Variants in SCFD2 observed in about 807,000 individuals in gnomAD.
The protein encoded by SCFD2 is sec1 family domain containing 2.
SCFD2 carries 54 observed loss-of-function variants against 58.9 expected under a neutral mutation model. The observed-to-expected ratio is 0.92, with a 90% CI of 0.74 to 1.15. The LOEUF is 1.15. Ranked by LOEUF, SCFD2 falls within the 50% of genes most tolerant of loss-of-function variation. The pLI is 0.00. For synonymous variants in SCFD2, 321 were observed against 335.9 expected (o/e 0.96, Z 0.49); for missense variants, 805 against 836.6 (o/e 0.96, Z 0.47).
At chr4:53,213,617 T>A (rs1728697473) in intron 4 of SCFD2, among the ~76,000 whole-genome samples, 1 of 152,138 alleles carries the variant, frequency 6.6e-6, no homozygotes, top group African/African-American at 2.4e-5. Flanking sequence ...CAAAGAGTTC[T>A]TCAAATTTTC....
chr4:53,282,955 A>C (rs1024126418), intron 3 of SCFD2, among the ~76,000 whole-genome samples: 8 of 152,240 alleles, frequency 5.3e-5, no homozygotes, highest in African/African-American at 1.9e-4. Flanking sequence ...AAAGGCTCTG[A>C]GCACAGAAGG....
chr4:52,976,342 G>A (rs922278269), intron 5 of SCFD2, among the ~76,000 whole-genome samples: 11 of 152,128 alleles, frequency 7.2e-5, no homozygotes, highest in Non-Finnish European at 1.2e-4. Flanking sequence ...AAAGGGAATT[G>A]TTAGGGGAGG....
At chr4:52,897,318 T>C (rs912275631) in intron 7 of SCFD2, among the ~76,000 whole-genome samples, 3 of 152,272 alleles carry the variant, frequency 2.0e-5, no homozygotes, top group African/African-American at 7.2e-5. Context: ...CTTATTATTT[T>C]GAGAAACGTC....
At chr4:53,077,549 T>C (rs913820994) in intron 5 of SCFD2, among the ~76,000 whole-genome samples, 3 of 152,136 alleles carry the variant, frequency 2.0e-5, no homozygotes, top group Non-Finnish European at 4.4e-5. Context: ...ACAATTCTCC[T>C]GTCTCAGCCA....
At chr4:53,264,809 A>T (rs1730931561) in intron 4 of SCFD2, among the ~76,000 whole-genome samples, 1 of 152,240 alleles carries the variant, frequency 6.6e-6, no homozygotes, top group South Asian at 2.1e-4. Context: ...AATATATTTT[A>T]AAAAACCAAT....
At chr4:52,916,390 C>T (rs1379069520) in intron 6 of SCFD2, among the ~76,000 whole-genome samples, 6 of 152,162 alleles carry the variant, frequency 3.9e-5, no homozygotes, top group African/African-American at 7.2e-5. Flanking sequence ...GCCAACATGG[C>T]GAAACCCTGT....
At chr4:53,099,592 G>C (rs1293451855) in intron 5 of SCFD2, among the ~76,000 whole-genome samples, 1 of 152,188 alleles carries the variant, frequency 6.6e-6, no homozygotes. Context: ...AAGGTGAAGG[G>C]GAGCCAGCAT....
intron 4 of SCFD2, among the ~76,000 whole-genome samples, chr4:53,202,462 T>C (rs938226511): frequency 1.3e-5 from 2 of 151,044 alleles, no homozygotes; most frequent in African/African-American, 4.9e-5. Flanking sequence ...GGTAGCATGA[T>C]GCCTCCAGCT....
chr4:52,980,226 C>A (rs1253772739), intron 5 of SCFD2, among the ~76,000 whole-genome samples: 1 of 152,208 alleles, frequency 6.6e-6, no homozygotes, highest in African/African-American at 2.4e-5. Context: ...ACATGCCATG[C>A]ACAATGCTAC....
intron 5 of SCFD2, among the ~76,000 whole-genome samples, chr4:53,105,954 G>C (rs1409166109): frequency 2.0e-5 from 3 of 151,354 alleles, no homozygotes; most frequent in Non-Finnish European, 4.4e-5. Flanking sequence ...GCTCTGGCTG[G>C]CATCTGGTGG....
At chr4:52,966,452 C>T (rs1401883920) in intron 5 of SCFD2, among the ~76,000 whole-genome samples, 1 of 152,126 alleles carries the variant, frequency 6.6e-6, no homozygotes, top group African/African-American at 2.4e-5. Context: ...TCCTCCTTCC[C>T]ACATTACCTT....
intron 5 of SCFD2, among the ~76,000 whole-genome samples, chr4:52,963,493 C>G (rs1383405071): frequency 6.6e-6 from 1 of 152,158 alleles, no homozygotes; most frequent in Non-Finnish European, 1.5e-5. Flanking sequence ...GTACCAATGT[C>G]TGTAAAGAAT....
At chr4:53,202,166 A>G (rs1483185368) in intron 4 of SCFD2, among the ~76,000 whole-genome samples, 2 of 151,988 alleles carry the variant, frequency 1.3e-5, no homozygotes, top group Non-Finnish European at 2.9e-5. Context: ...TAGGTCTAAC[A>G]TGTAAGTCTT....
chr4:53,100,611 T>G (rs1296348811), intron 5 of SCFD2, among the ~76,000 whole-genome samples: 1 of 152,160 alleles, frequency 6.6e-6, no homozygotes, highest in African/African-American at 2.4e-5. Context: ...TTTATAACTA[T>G]TCCAACAAAG....
At chr4:53,175,118 T>C (rs1560369715) in intron 4 of SCFD2, among the ~76,000 whole-genome samples, 3 of 152,212 alleles carry the variant, frequency 2.0e-5, no homozygotes, top group Admixed American at 6.6e-5. Flanking sequence ...GGAGTCTGAA[T>C]TGAAATACAG....
At chr4:53,295,158 T>G (rs184758694) in intron 3 of SCFD2, among the ~76,000 whole-genome samples, 3 of 152,290 alleles carry the variant, frequency 2.0e-5, no homozygotes, top group African/African-American at 7.2e-5. Context: ...TAAATTAGTT[T>G]TTTTTCCAAT....
At chr4:53,169,371 A>G (rs1727110453) in intron 4 of SCFD2, among the ~76,000 whole-genome samples, 1 of 152,182 alleles carries the variant, frequency 6.6e-6, no homozygotes, top group Admixed American at 6.5e-5. Flanking sequence ...CAAAAAATAA[A>G]AAAATAAAAA....
intron 5 of SCFD2, among the ~76,000 whole-genome samples, chr4:53,084,644 G>T (rs1345119707): frequency 6.6e-6 from 1 of 152,094 alleles, no homozygotes; most frequent in Non-Finnish European, 1.5e-5. Context: ...CCTCTGCTGT[G>T]GCTCCAGCTG....
chr4:53,114,120 T>C (rs1435943788), intron 5 of SCFD2, among the ~76,000 whole-genome samples: 1 of 152,130 alleles, frequency 6.6e-6, no homozygotes, highest in Admixed American at 6.6e-5. Flanking sequence ...TTGTAAAGTA[T>C]GAGACAATAA....
Sources: allele counts gnomAD v4.1 joint callset (sites outside exome capture counted in the v4.1 genomes callset), GRCh38; gene constraint gnomAD v4.1.1; transcripts MANE v1.5; gene names NCBI Gene and HGNC (gene_info 2026-07-23, HGNC 2026-07-21).